Variants in EPB41L4A observed in about 807,000 individuals in gnomAD.
EPB41L4A encodes erythrocyte membrane protein band 4.1 like 4A, also known as band 4.1-like protein 4A.
Under a neutral mutation model 108.6 loss-of-function variants are expected in EPB41L4A, and 100 were observed. The ratio of observed to expected loss-of-function variants is 0.92; its 90% CI spans 0.78 to 1.09. EPB41L4A has a LOEUF of 1.09. EPB41L4A is among the 50% of genes least tolerant of loss of function. EPB41L4A has a pLI of 0.00. For missense variants in EPB41L4A, 1,030 were observed against 842.7 expected (o/e 1.22, Z -2.75); for synonymous variants, 319 against 289.0 (o/e 1.10, Z -1.05).
In EPB41L4A at chr5:112,265,017, C is replaced by T. The variant is rs1320745939; in HGVS notation, c.434-1G>A. The stretch of plus-strand genomic sequence containing the variant: ...TATGGGTCATAATCTCCAAGCTCCG[C>T]TAAAAAAGAAAGATAACATAGTTTT... On this transcript the variant is annotated splice_acceptor_variant, in intron 5 of 22. Coordinates refer to ENST00000261486, the MANE Select transcript of EPB41L4A (RefSeq NM_022140.5). LOFTEE classifies it high-confidence loss of function. The T allele has an allele frequency of 6.4e-7, 1 of 1,555,180 alleles. No homozygotes were observed. The highest frequency in any genetic ancestry group is 8.6e-7 in the Non-Finnish European group (1 of 1,156,272).
At position 112,169,052 on chromosome 5, in the gene EPB41L4A, C is replaced by T. The variant is rs755935788; in HGVS notation, c.1793G>A (p.Arg598His). The part of the protein sequence containing the change: ...IRHSHSPRSY[R>H]QYRRSQCSDG... ...TGAACACTGGGACCTGCGATACTGGCGGTAACTTCGTGGCGAATGAGAATG... is the reference window on the plus strand; with the variant it reads ...TGAACACTGGGACCTGCGATACTGGTGGTAACTTCGTGGCGAATGAGAATG... Residue 598 changes from arginine (R) to histidine (H), a missense_variant, in exon 21 of 23, where the codon CGC becomes CAC. Transcript: ENST00000261486. 24 of 1,613,980 alleles carry T rather than the reference C, an allele frequency of 1.5e-5. No homozygotes were observed. Among genetic ancestry groups the T allele is most frequent in the African/African-American group, 1.5e-4 (11 of 74,888 alleles).
At chr5:112,200,324 CT>C in intron 15 of EPB41L4A, among the ~76,000 whole-genome samples, 1 of 152,326 alleles carries the variant, frequency 6.6e-6, no homozygotes, top group East Asian at 1.9e-4. Flanking sequence ...CAAACTTCCC[CT>C]AACAGTGCTC....
intron 1 of EPB41L4A, among the ~76,000 whole-genome samples, chr5:112,416,094 C>A (rs937937688): frequency 6.6e-6 from 1 of 151,880 alleles, no homozygotes; most frequent in African/African-American, 2.4e-5. Flanking sequence ...TGTCTTCAGG[C>A]TGAAACACTT....
At chr5:112,227,444 T>C (rs147524404) in intron 12 of EPB41L4A, among the ~76,000 whole-genome samples, 2 of 152,242 alleles carry the variant, frequency 1.3e-5, no homozygotes, top group Non-Finnish European at 2.9e-5. Context: ...CCTCTACAAG[T>C]TCTGACAAGA....
At chr5:112,288,077 T>C (rs1282373541) in intron 2 of EPB41L4A, among the ~76,000 whole-genome samples, 1 of 152,222 alleles carries the variant, frequency 6.6e-6, no homozygotes, top group Non-Finnish European at 1.5e-5. Flanking sequence ...GAATCCAGCA[T>C]GCTGTCAGGT....
At chr5:112,207,783 A>G (rs1176313877) in intron 13 of EPB41L4A, among the ~76,000 whole-genome samples, 1 of 152,226 alleles carries the variant, frequency 6.6e-6, no homozygotes, top group African/African-American at 2.4e-5. Context: ...GATGTTGGCA[A>G]GATTGTGGAA....
At chr5:112,406,204 G>A (rs528600784) in intron 1 of EPB41L4A, among the ~76,000 whole-genome samples, 1 of 152,294 alleles carries the variant, frequency 6.6e-6, no homozygotes, top group East Asian at 1.9e-4. Flanking sequence ...CAAGGGAAAA[G>A]ATCTATTAGC....
chr5:112,189,803 T>C lies in EPB41L4A; in HGVS notation c.1502+4765A>G, dbSNP rs1264453285. On this transcript the variant is annotated intron_variant, in intron 17 of 22. Transcript: ENST00000261486. ...TGAGTAATTCAAAGATTCTCCTCAGTGAATGCTCAAAGGACTGCTGATTTT... is the reference window on the plus strand; with the variant it reads ...TGAGTAATTCAAAGATTCTCCTCAGCGAATGCTCAAAGGACTGCTGATTTT... 3.3e-4 allele frequency among the ~76,000 whole-genome samples: 51 copies of C among 152,334 alleles called. 1 individual carries two copies. Among genetic ancestry groups the C allele is most frequent in the Non-Finnish European group, 1.5e-5 (1 of 68,034 alleles).
At chr5:112,358,250 C>A (rs745509344) in intron 1 of EPB41L4A, among the ~76,000 whole-genome samples, 11 of 152,210 alleles carry the variant, frequency 7.2e-5, no homozygotes, top group Non-Finnish European at 1.2e-4. Context: ...TGTGAACTTA[C>A]ACACATATAT....
In EPB41L4A at chr5:112,306,505, T is replaced by A. The variant is rs57220482; in HGVS notation, c.204+881A>T. On this transcript the variant is annotated intron_variant, in intron 2 of 22. Coordinates refer to ENST00000261486, the MANE Select transcript of EPB41L4A (RefSeq NM_022140.5). ...AGTGGAAACACCACTCAGAAAATCA[T>A]GTTCTTCACTGAATGTACCACAAAT... 9.7e-3 allele frequency among the ~76,000 whole-genome samples: 1,477 copies of A among 152,228 alleles called. 30 individuals are homozygous for A. Among genetic ancestry groups the A allele is most frequent in the African/African-American group, 0.034 (1,392 of 41,552 alleles).
chr5:112,418,887 C>T, intron 1 of EPB41L4A, 54 bp downstream of exon 1: 2 of 1,431,688 alleles, frequency 1.4e-6, no homozygotes, highest in South Asian at 2.3e-5. Flanking sequence ...AAGCGATGGA[C>T]CCCCGCACCC....
intron 12 of EPB41L4A, among the ~76,000 whole-genome samples, chr5:112,148,691 A>C (rs530839014): frequency 3.9e-5 from 6 of 152,188 alleles, no homozygotes; most frequent in Non-Finnish European, 8.8e-5. Flanking sequence ...TTTTTACAAT[A>C]AAATATTTTC....
intron 1 of EPB41L4A, among the ~76,000 whole-genome samples, chr5:112,364,321 C>G (rs1758982288): frequency 6.6e-6 from 1 of 152,200 alleles, no homozygotes; most frequent in Admixed American, 6.5e-5. Context: ...CCACCACACC[C>G]AGCTGCCAAT....
chr5:112,215,529 A>G (rs372374383), intron 12 of EPB41L4A, among the ~76,000 whole-genome samples: 8 of 152,200 alleles, frequency 5.3e-5, no homozygotes, highest in East Asian at 1.9e-4. Flanking sequence ...TTGGGAGGCC[A>G]AGGCGGGCGG....
At chr5:112,240,665 T>C (rs1749713342) in intron 10 of EPB41L4A, 54 bp downstream of exon 10, 1 of 985,334 alleles carries the variant, frequency 1.0e-6, no homozygotes, top group Non-Finnish European at 1.5e-6. Context: ...TTTATAAAAA[T>C]AAATGCCATT....
chr5:112,305,389 C>T (rs929940636), intron 2 of EPB41L4A, among the ~76,000 whole-genome samples: 1 of 151,998 alleles, frequency 6.6e-6, no homozygotes, highest in Non-Finnish European at 1.5e-5. Flanking sequence ...ATGTGAGGTC[C>T]CGAATGTACA....
At chr5:112,234,128 G>A (rs1749153362) in intron 12 of EPB41L4A, among the ~76,000 whole-genome samples, 1 of 149,520 alleles carries the variant, frequency 6.7e-6, no homozygotes. Flanking sequence ...AGACCAGCCT[G>A]GGCAACATAG....
intron 1 of EPB41L4A, among the ~76,000 whole-genome samples, chr5:112,417,131 C>A (rs1247346802): frequency 6.6e-6 from 1 of 152,204 alleles, no homozygotes; most frequent in South Asian, 2.1e-4. Flanking sequence ...TTGCTGTTGC[C>A]TTTGAATCAC....
chr5:112,145,979 G>C, exon 13 of EPB41L4A: 1 of 456,616 alleles, frequency 2.2e-6, no homozygotes, highest in South Asian at 1.5e-5. Context: ...GCCCTTTCTA[G>C]GTCTGGAGGT....
Sources: gnomAD v4.1 joint callset for allele counts (sites outside exome capture counted in the v4.1 genomes callset) on GRCh38, gnomAD v4.1.1 for gene constraint, MANE v1.5 for transcripts, NCBI Gene and HGNC (gene_info 2026-07-23, HGNC 2026-07-21) for gene names.